Variants in LYPD6 observed in about 807,000 individuals in gnomAD.
LYPD6 encodes the protein LY6/PLAUR domain containing 6, also known as ly6/PLAUR domain-containing protein 6.
A neutral mutation model predicts 22.7 loss-of-function variants in LYPD6; 15 were observed. The observed-to-expected ratio is 0.66, with a 90% CI of 0.44 to 1.02. The LOEUF is 1.02. Among genes scored for constraint, LYPD6 ranks in the 50% least tolerant of loss-of-function variants. LYPD6 has a pLI of 0.00. For synonymous variants in LYPD6, 72 were observed against 77.5 expected (o/e 0.93, Z 0.37); for missense variants, 189 against 208.4 (o/e 0.91, Z 0.57).
intron 1 of LYPD6, among the ~76,000 whole-genome samples, chr2:149,362,312 T>A (rs1573741867): frequency 6.6e-6 from 1 of 152,206 alleles, no homozygotes; most frequent in African/African-American, 2.4e-5. Flanking sequence ...CATACAAATT[T>A]ATTTAATAAA....
chr2:149,431,531 A>G (rs1683311852), intron 1 of LYPD6, among the ~76,000 whole-genome samples: 1 of 152,232 alleles, frequency 6.6e-6, no homozygotes, highest in African/African-American at 2.4e-5. Context: ...CCTAGAAAAT[A>G]CTAATAGAGT....
At chr2:149,450,262 CCA>C (rs1683777575) in intron 3 of LYPD6, among the ~76,000 whole-genome samples, 2 of 152,160 alleles carry the variant, frequency 1.3e-5, no homozygotes, top group Non-Finnish European at 2.9e-5. Context: ...ACTTCTTCAC[CCA>C]CATTTCTGAT....
intron 1 of LYPD6, among the ~76,000 whole-genome samples, chr2:149,353,283 A>C (rs1315045610): frequency 1.3e-5 from 2 of 152,194 alleles, no homozygotes; most frequent in South Asian, 4.1e-4. Flanking sequence ...ATTTATTTAT[A>C]TATTCTGCTT....
chr2:149,412,585 G>A (rs189243958), intron 1 of LYPD6, among the ~76,000 whole-genome samples: 1 of 152,232 alleles, frequency 6.6e-6, no homozygotes, highest in East Asian at 1.9e-4. Flanking sequence ...TCAGTCAGGT[G>A]TAGGCTGTGG....
intron 1 of LYPD6, among the ~76,000 whole-genome samples, chr2:149,381,089 G>A (rs1381936084): frequency 6.6e-6 from 1 of 152,116 alleles, no homozygotes; most frequent in Non-Finnish European, 1.5e-5. Context: ...GGTGTGGTGG[G>A]GCAGATGGTT....
At chr2:149,445,601 T>C (rs1457186092) in intron 2 of LYPD6, among the ~76,000 whole-genome samples, 9 of 152,224 alleles carry the variant, frequency 5.9e-5, no homozygotes, top group Non-Finnish European at 7.3e-5. Flanking sequence ...GGAAATGGAT[T>C]TTTTCCTTAA....
At chr2:149,405,979 A>C (rs1455994245) in intron 1 of LYPD6, among the ~76,000 whole-genome samples, 4 of 147,476 alleles carry the variant, frequency 2.7e-5, no homozygotes, top group African/African-American at 5.0e-5. Flanking sequence ...TTCTGCCTTC[A>C]TTTCGTTATG....
intron 3 of LYPD6, among the ~76,000 whole-genome samples, chr2:149,462,136 A>AT (rs1681100465): frequency 3.2e-5 from 3 of 94,028 alleles, no homozygotes; most frequent in Non-Finnish European, 8.0e-5. Context: ...ATTTCTATGT[A>AT]GAAAATTCCA....
chr2:149,464,367 G>A (rs1209976963), intron 3 of LYPD6: 2 of 258,954 alleles, frequency 7.7e-6, no homozygotes, highest in African/African-American at 4.7e-5. Context: ...TGCAGACCAT[G>A]CTAAGGATGC....
chr2:149,410,723 A>G lies in LYPD6; in HGVS notation c.-71-26915A>G, dbSNP rs147963017. On this transcript the variant is annotated intron_variant, in intron 1 of 4. Transcript: ENST00000334166. ...AACCAGCCTTCTGTGTGGATAAAAC[A>G]AGGCTATTGTTCATGCGAGTCAGTA... 2.9e-3 allele frequency among the ~76,000 whole-genome samples: 435 copies of G among 152,310 alleles called. 2 individuals carry two copies. The highest frequency in any genetic ancestry group is 6.8e-3 in the Middle Eastern group (2 of 294).
intron 1 of LYPD6, among the ~76,000 whole-genome samples, chr2:149,383,910 A>C (rs992695404): frequency 2.0e-5 from 3 of 152,186 alleles, no homozygotes; most frequent in African/African-American, 7.2e-5. Flanking sequence ...TGTTTTGTGA[A>C]GTCTTCCTCA....
rs759568353 is a variant in LYPD6 at position 149,471,039 on chromosome 2, C to T, written c.*189C>T. On this transcript the variant is annotated 3_prime_UTR_variant, in exon 5 of 5. Transcript: ENST00000334166. ...TCATTGTAGCCATTTTGAGTCTAAC[C>T]GAGACTCATCAAAGCCTTCTGTCAG... 89 of 498,704 alleles carry T rather than the reference C, an allele frequency of 1.8e-4. No homozygotes were observed. The highest frequency in any genetic ancestry group is 4.9e-4 in the Admixed American group (15 of 30,568). 30.9% of individuals were successfully genotyped at this position (498,704 alleles called of 1,614,324 possible). A position where few individuals can be genotyped will look rare whatever the true frequency, so the allele number is the denominator to read the frequency against.
At chr2:149,417,119 C>G (rs895708788) in intron 1 of LYPD6, among the ~76,000 whole-genome samples, 6 of 152,102 alleles carry the variant, frequency 3.9e-5, no homozygotes, top group Non-Finnish European at 5.9e-5. Context: ...GTTCCAGATT[C>G]AGGATCACTC....
At position 149,369,592 on chromosome 2, in the gene LYPD6, TAGAGAA is replaced by T. The variant is rs544135618; in HGVS notation, c.-72+38874_-72+38879del. On this transcript the variant is annotated intron_variant, in intron 1 of 4. Transcript: ENST00000334166. Reference sequence around the variant, plus strand: ...GCCCACCCTGGCTGTAGTCAGCCCTTAGAGAAAGAAGGATGTAGTTAGAATCGTATC... The same window carrying T: ...GCCCACCCTGGCTGTAGTCAGCCCTTAGAAGGATGTAGTTAGAATCGTATC... 1.4e-4 allele frequency among the ~76,000 whole-genome samples: 22 copies of T among 152,154 alleles called. No individual in the cohort carries two copies. The South Asian group carries it at 4.6e-3, about 32-fold the overall frequency.
chr2:149,443,430 A>G (rs1683612185), intron 2 of LYPD6, among the ~76,000 whole-genome samples: 1 of 152,232 alleles, frequency 6.6e-6, no homozygotes, highest in African/African-American at 2.4e-5. Context: ...GCTTGCAGCC[A>G]TAAACCTTGG....
intron 1 of LYPD6, among the ~76,000 whole-genome samples, chr2:149,333,209 T>C (rs1680971903): frequency 6.6e-6 from 1 of 152,206 alleles, no homozygotes; most frequent in African/African-American, 2.4e-5. Flanking sequence ...AGTGTACAAA[T>C]GTAGCAGAAG....
At chr2:149,348,061 C>CAA (rs58228847) in intron 1 of LYPD6, among the ~76,000 whole-genome samples, 1,130 of 76,590 alleles carry the variant, frequency 0.015, 16 homozygotes, top group Non-Finnish European at 0.018. Flanking sequence ...ACTAAAAATA[C>CAA]AAAAAAAAAA....
intron 3 of LYPD6, among the ~76,000 whole-genome samples, chr2:149,455,962 G>A (rs1204459615): frequency 6.6e-6 from 1 of 152,220 alleles, no homozygotes; most frequent in Non-Finnish European, 1.5e-5. Flanking sequence ...TGACTTCAGG[G>A]TAGAGGAGAC....
intron 1 of LYPD6, among the ~76,000 whole-genome samples, chr2:149,415,265 A>G (rs1270651105): frequency 6.6e-6 from 1 of 152,204 alleles, no homozygotes; most frequent in Non-Finnish European, 1.5e-5. Context: ...TAGGGAAAGC[A>G]GGGCCAGAAT....
Sources: gnomAD v4.1 joint callset for allele counts (sites outside exome capture counted in the v4.1 genomes callset) on GRCh38, gnomAD v4.1.1 for gene constraint, MANE v1.5 for transcripts, NCBI Gene and HGNC (gene_info 2026-07-23, HGNC 2026-07-21) for gene names.